ADAM12: variants seen among roughly 807,000 people sequenced by gnomAD.
The protein encoded by ADAM12 is ADAM metallopeptidase domain 12.
In ADAM12, 70 loss-of-function variants were observed where a neutral mutation model predicts 106.4. The ratio of observed to expected loss-of-function variants is 0.66; its 90% CI spans 0.54 to 0.80. The LOEUF is 0.80. ADAM12 is among the 30% of genes least tolerant of loss of function. The probability of loss-of-function intolerance (pLI) is 0.00; values close to 1 mark genes in which losing one functional copy is unlikely to be tolerated. For missense variants in ADAM12, 1,010 were observed against 1,171.9 expected, an observed-to-expected ratio of 0.86 and a Z score of 2.02; for synonymous variants, 420 against 433.5, an observed-to-expected ratio of 0.97 and a Z score of 0.39.
intron 21 of ADAM12, among the ~76,000 whole-genome samples, chr10:126,023,036 G>A (rs1047506362): frequency 6.6e-6 from 1 of 152,198 alleles, no homozygotes; most frequent in Non-Finnish European, 1.5e-5. Flanking sequence ...GTAAACGAGA[G>A]TAAACATGCC....
chr10:126,272,754 G>T, intron 3 of ADAM12: 1 of 214,278 alleles, frequency 4.7e-6, no homozygotes, highest in South Asian at 6.2e-5. Context: ...TGTGTGCTCT[G>T]AGGGAGGGTC....
At chr10:126,116,731 T>C (rs1955990414) in intron 6 of ADAM12, among the ~76,000 whole-genome samples, 1 of 151,988 alleles carries the variant, frequency 6.6e-6, no homozygotes. Flanking sequence ...ACAAGTAGAA[T>C]ACCTGGACTG....
chr10:126,022,343 C>A (rs934851223), intron 21 of ADAM12, among the ~76,000 whole-genome samples: 1 of 152,184 alleles, frequency 6.6e-6, no homozygotes, highest in East Asian at 1.9e-4. Context: ...TGGGGATCAG[C>A]GCAGGCACCA....
intron 3 of ADAM12, among the ~76,000 whole-genome samples, chr10:126,257,265 C>A (rs1232343365): frequency 6.6e-6 from 1 of 152,182 alleles, no homozygotes; most frequent in Non-Finnish European, 1.5e-5. Flanking sequence ...GTCCTAAAGC[C>A]CAGACACCAG....
intron 1 of ADAM12, among the ~76,000 whole-genome samples, chr10:126,372,984 T>C (rs1025571751): frequency 6.6e-6 from 1 of 152,238 alleles, no homozygotes; most frequent in Non-Finnish European, 1.5e-5. Context: ...AAGTAAAGCT[T>C]AGTGAATTGA....
rs1489080838 is a variant in ADAM12, at chr10:126,094,121, T to C, written c.1009A>G (p.Asn337Asp). 2 of 1,614,102 alleles carry C rather than the reference T, an allele frequency of 1.2e-6. No homozygotes were observed. Among genetic ancestry groups the C allele is most frequent in the Admixed American group, 1.7e-5 (1 of 60,018 alleles). The change falls in exon 11 of 23, where the codon AAT (asparagine) becomes GAT (aspartate). Residue 337 changes from asparagine (N) to aspartate (D), a missense_variant. By Grantham distance (23) the Asn-to-Asp change is conservative. This residue lies in a region of ADAM12 where 391 missense variants were observed against 442.9 expected (regional missense o/e 0.88). Coordinates refer to ENST00000448723, the MANE Select transcript of ADAM12 (RefSeq NM_001288973.2). ...SGGIVMDHSD[N>D]PLGAAVTLAH... ...AGGGTCACGGCTGCACCAAGGGGAT[T>C]GTCTGAATGGTCCTCAAAGAAAACA...
intron 18 of ADAM12, chr10:126,042,121 C>T: frequency 6.2e-7 from 1 of 1,613,026 alleles, no homozygotes; most frequent in African/African-American, 1.3e-5. Flanking sequence ...GTCTCCATGT[C>T]ATGGGAGGGC....
At chr10:126,332,127 T>A (rs1854542008) in intron 1 of ADAM12, among the ~76,000 whole-genome samples, 1 of 152,170 alleles carries the variant, frequency 6.6e-6, no homozygotes, top group African/African-American at 2.4e-5. Context: ...GCCAGTTGTG[T>A]CCCACGTGTT....
chr10:126,172,651 G>C (rs1023079714), intron 3 of ADAM12, among the ~76,000 whole-genome samples: 5 of 152,214 alleles, frequency 3.3e-5, no homozygotes, highest in African/African-American at 9.6e-5. Context: ...CTTTTACACT[G>C]TTGGTGGGAG....
intron 3 of ADAM12, among the ~76,000 whole-genome samples, chr10:126,162,990 T>C (rs1956963235): frequency 6.6e-6 from 1 of 152,102 alleles, no homozygotes; most frequent in African/African-American, 2.4e-5. Context: ...ATCTGGTCAA[T>C]TAAAAGCATG....
chr10:126,068,511 G>A (rs780645030), intron 12 of ADAM12, among the ~76,000 whole-genome samples: 14 of 152,188 alleles, frequency 9.2e-5, no homozygotes, highest in African/African-American at 3.1e-4. Flanking sequence ...AAAGATATTC[G>A]CAAGCTACTG....
At chr10:126,113,143 T>C (rs1391231769) in intron 6 of ADAM12, among the ~76,000 whole-genome samples, 1 of 152,106 alleles carries the variant, frequency 6.6e-6, no homozygotes, top group African/African-American at 2.4e-5. Flanking sequence ...GGAAAGATTG[T>C]GGGAACAGTG....
intron 1 of ADAM12, among the ~76,000 whole-genome samples, chr10:126,364,892 T>C (rs1011901800): frequency 1.1e-4 from 16 of 152,150 alleles, no homozygotes; most frequent in Admixed American, 8.5e-4. Flanking sequence ...TAGATTAATA[T>C]TCCGGGCCTC....
chr10:126,287,920 A>G (rs140429336), intron 2 of ADAM12, among the ~76,000 whole-genome samples: 25 of 152,178 alleles, frequency 1.6e-4, no homozygotes, highest in African/African-American at 5.8e-4. Context: ...CGTGCTCCAC[A>G]TTACAGTCCC....
rs113477450 is a variant in ADAM12, at chr10:126,120,378, G to A, written c.417-2154C>T. ...TCTTAGGAGAAAGGGAGATAGGGAA[G>A]TATGGATAATTTTAGGGGGTGAGTA... is the stretch of plus-strand genomic sequence containing the variant. On this transcript the variant is annotated intron_variant, in intron 5 of 22. Transcript: ENST00000448723. 2.5e-3 allele frequency among the ~76,000 whole-genome samples: 388 copies of A among 152,318 alleles called. 1 individual carries two copies. The highest frequency in any genetic ancestry group is 8.8e-3 in the African/African-American group (364 of 41,578).
intron 6 of ADAM12, among the ~76,000 whole-genome samples, chr10:126,117,068 G>A (rs1278391): frequency 0.56 from 85,187 of 152,028 alleles, 23,953 homozygotes; most frequent in Non-Finnish European, 0.59. Flanking sequence ...TTGATTTCTT[G>A]TCAACAGAGG....
intron 1 of ADAM12, among the ~76,000 whole-genome samples, chr10:126,349,836 G>A (rs1368708953): frequency 1.3e-5 from 2 of 152,146 alleles, no homozygotes; most frequent in Non-Finnish European, 2.9e-5. Context: ...CTGCTAAGCA[G>A]AAAAAGATTA....
intron 11 of ADAM12, among the ~76,000 whole-genome samples, chr10:126,083,902 C>A (rs764888417): frequency 1.3e-5 from 2 of 152,192 alleles, no homozygotes; most frequent in Non-Finnish European, 2.9e-5. Flanking sequence ...ATCCTCACGT[C>A]CACTCCAGAA....
In ADAM12 at chr10:126,109,855, CA is replaced by C; in HGVS notation, c.604-16del. ...TCTCTTTTATGCTGCCAAGAGTAAA[CA>C]TGCACTTAATCTCTCTTAATGCCTC... On this transcript the variant is annotated splice_polypyrimidine_tract_variant and intron_variant, in intron 6 of 22. Transcript: ENST00000448723. The C allele has an allele frequency of 6.2e-7, 1 of 1,611,186 alleles. No individual in the cohort carries two copies. The highest frequency in any genetic ancestry group is 1.1e-5 in the South Asian group (1 of 90,878).
Sources: gnomAD v4.1 joint callset for allele counts (sites outside exome capture counted in the v4.1 genomes callset) on GRCh38, gnomAD v4.1.1 for gene constraint, gnomAD v4.1.1 regional missense constraint, MANE v1.5 for transcripts, NCBI Gene and HGNC (gene_info 2026-07-23, HGNC 2026-07-21) for gene names.